TMEM71: variants seen among roughly 807,000 people sequenced by gnomAD.
TMEM71 encodes the protein transmembrane protein 71.
Under a neutral mutation model 38.0 loss-of-function variants are expected in TMEM71, and 44 were observed. That is an observed-to-expected ratio of 1.16 (90% CI 0.91 to 1.49). The LOEUF is 1.49. TMEM71 is among the 40% of genes most tolerant of loss of function. TMEM71 has a pLI of 0.00. For missense variants in TMEM71, 367 were observed against 348.6 expected, an observed-to-expected ratio of 1.05 and a Z score of -0.42; for synonymous variants, 133 against 122.5, an observed-to-expected ratio of 1.09 and a Z score of -0.56.
chr8:132,735,540 T>G (rs151042504), intron 5 of TMEM71, among the ~76,000 whole-genome samples: 12 of 152,342 alleles, frequency 7.9e-5, no homozygotes, highest in Non-Finnish European at 1.8e-4. Flanking sequence ...CAAAGTTCTG[T>G]GTGCGCCCAG....
intron 5 of TMEM71, among the ~76,000 whole-genome samples, chr8:132,734,860 C>G (rs758679364): frequency 2.6e-5 from 4 of 152,138 alleles, no homozygotes; most frequent in Non-Finnish European, 5.9e-5. Flanking sequence ...ATTTGATGTA[C>G]TTTACCTCTG....
At chr8:132,726,343 C>A (rs537390141) in intron 6 of TMEM71, among the ~76,000 whole-genome samples, 1 of 152,008 alleles carries the variant, frequency 6.6e-6, no homozygotes, top group Admixed American at 6.6e-5. Context: ...ATCTTCAGGA[C>A]TAGAAGAGTG....
Position 132,751,786 on chromosome 8 carries a change from T to TA in TMEM71, c.312dup (p.Arg105Ter), listed in dbSNP as rs751890165. 17 of 1,612,806 alleles carry TA rather than the reference T, an allele frequency of 1.1e-5. No homozygotes were observed. The highest frequency in any genetic ancestry group is 1.4e-5 in the Non-Finnish European group (16 of 1,179,732). Reference sequence around the variant, plus strand: ...CTTTCTGTAATATGCTCTGCTTACCTAACTAAGTTCTCCTTATACATAACG... The same window carrying TA: ...CTTTCTGTAATATGCTCTGCTTACCTAAACTAAGTTCTCCTTATACATAACG... On this transcript the variant is annotated frameshift_variant and splice_region_variant, in exon 4 of 10. Transcript: ENST00000677595. LOFTEE classifies it high-confidence loss of function.
At chr8:132,725,530 C>T (rs1331903015) in intron 6 of TMEM71, among the ~76,000 whole-genome samples, 1 of 152,126 alleles carries the variant, frequency 6.6e-6, no homozygotes, top group East Asian at 1.9e-4. Flanking sequence ...AGTTGGGTTT[C>T]CATCCATTGG....
chr8:132,745,871 A>G (rs546750858), intron 5 of TMEM71, among the ~76,000 whole-genome samples: 1 of 151,946 alleles, frequency 6.6e-6, no homozygotes, highest in East Asian at 1.9e-4. Flanking sequence ...TTGCAGCAAC[A>G]TGGCTGCAGC....
chr8:132,713,208 T>TTTTTTTTTTTTTTTTTTTTTTTTTTTTG (rs1453599264), intron 9 of TMEM71, among the ~76,000 whole-genome samples: 4 of 151,274 alleles, frequency 2.6e-5, no homozygotes, highest in African/African-American at 9.9e-5. Flanking sequence ...TTCGATTTTC[T>TTTTTTTTTTTTTTTTTTTTTTTTTTTTG]AAATATCAGG....
At chr8:132,719,498 C>T (rs1826721267) in intron 7 of TMEM71, among the ~76,000 whole-genome samples, 2 of 152,164 alleles carry the variant, frequency 1.3e-5, no homozygotes, top group African/African-American at 2.4e-5. Flanking sequence ...CATGTATATG[C>T]AAATTTTCCC....
chr8:132,735,161 T>C (rs1262919903), intron 5 of TMEM71, among the ~76,000 whole-genome samples: 4 of 152,138 alleles, frequency 2.6e-5, no homozygotes, highest in African/African-American at 9.7e-5. Flanking sequence ...TGGGAACACA[T>C]CCCGAATTGC....
intron 9 of TMEM71, among the ~76,000 whole-genome samples, chr8:132,711,458 T>A (rs756855915): frequency 2.6e-4 from 40 of 152,164 alleles, no homozygotes; most frequent in Admixed American, 2.1e-3. Flanking sequence ...GGGTAACAGG[T>A]GGATTTTCCC....
intron 5 of TMEM71, among the ~76,000 whole-genome samples, chr8:132,734,657 C>T (rs1044338077): frequency 1.3e-5 from 2 of 152,142 alleles, no homozygotes; most frequent in Admixed American, 6.5e-5. Context: ...CATTCAAAAA[C>T]GATCAAGGAG....
chr8:132,707,080 C>T (rs572090229), downstream of TMEM71, among the ~76,000 whole-genome samples: 1 of 152,152 alleles, frequency 6.6e-6, no homozygotes, highest in Non-Finnish European at 1.5e-5. Flanking sequence ...GTCTACAAGA[C>T]AAATGATGCA....
intron 7 of TMEM71, among the ~76,000 whole-genome samples, chr8:132,720,223 C>T (rs11992433): frequency 1.3e-5 from 2 of 152,142 alleles, no homozygotes; most frequent in African/African-American, 4.8e-5. Flanking sequence ...TTTCTTACCC[C>T]CTTCCTTACT....
chr8:132,728,473 A>G (rs142413069), intron 5 of TMEM71, among the ~76,000 whole-genome samples: 2 of 152,322 alleles, frequency 1.3e-5, no homozygotes, highest in East Asian at 3.9e-4. Context: ...TCCCTCTCAC[A>G]ACATGTGGGA....
chr8:132,756,053 G>T (rs1022327615), intron 3 of TMEM71, among the ~76,000 whole-genome samples: 1 of 152,004 alleles, frequency 6.6e-6, no homozygotes, highest in African/African-American at 2.4e-5. Flanking sequence ...ACAAGAAGGA[G>T]CAGGTCCTAA....
At chr8:132,740,195 C>T (rs1209078954) in intron 5 of TMEM71, among the ~76,000 whole-genome samples, 1 of 150,936 alleles carries the variant, frequency 6.6e-6, no homozygotes, top group Non-Finnish European at 1.5e-5. Flanking sequence ...CCCTACTATC[C>T]CCCCTCACTC....
At position 132,721,967 on chromosome 8, in the gene TMEM71, C is replaced by G. The variant is rs111255666; in HGVS notation, c.752+73G>C. 5.4e-6 allele frequency: 7 copies of G among 1,306,980 alleles called. No individual in the cohort carries two copies. The African/African-American group carries it at 5.8e-5, about 11-fold the overall frequency. The allele number at this position is 1,306,980 out of a possible 1,614,324, so 81.0% of individuals were successfully genotyped here. A position where few individuals can be genotyped will look rare whatever the true frequency, so the allele number is the denominator to read the frequency against. ...ACCTAAAATGTTTTGTGGAATAAGG[C>G]AAGGAAATCATCAATCAGCTATAGT... On this transcript the variant is annotated intron_variant, in intron 7 of 9. Coordinates refer to ENST00000677595, the MANE Select transcript of TMEM71 (RefSeq NM_001382403.1).
In TMEM71 at chr8:132,710,193, G is replaced by C. The variant is rs935879702; in HGVS notation, c.*774C>G. The C allele has an allele frequency of 6.6e-6, 1 of 152,056 alleles. No individual in the cohort carries two copies. Among genetic ancestry groups the C allele is most frequent in the African/African-American group, 2.4e-5 (1 of 41,362 alleles). 9.4% of individuals were successfully genotyped at this position (152,056 alleles called of 1,614,324 possible). ...TACAGCCCTTGAGTCAAGGCTCAAG[G>C]GTACAACTGCACCATTTTCATGCAT... On this transcript the variant is annotated 3_prime_UTR_variant, in exon 10 of 10. Coordinates refer to ENST00000677595, the MANE Select transcript of TMEM71 (RefSeq NM_001382403.1).
chr8:132,747,919 T>C (rs973668163), intron 4 of TMEM71, among the ~76,000 whole-genome samples: 1 of 152,212 alleles, frequency 6.6e-6, no homozygotes, highest in Non-Finnish European at 1.5e-5. Context: ...AGATTAGTGA[T>C]GACATAATTC....
intron 6 of TMEM71, among the ~76,000 whole-genome samples, chr8:132,725,724 T>G (rs1362734300): frequency 6.6e-6 from 1 of 151,938 alleles, no homozygotes; most frequent in Non-Finnish European, 1.5e-5. Context: ...ATATATAGAG[T>G]GCTAGGGAAT....
Sources: allele counts gnomAD v4.1 joint callset (sites outside exome capture counted in the v4.1 genomes callset), GRCh38; gene constraint gnomAD v4.1.1; transcripts MANE v1.5; gene names NCBI Gene and HGNC (gene_info 2026-07-23, HGNC 2026-07-21).